Variants in NTRK3 observed in about 807,000 individuals in gnomAD.
The protein encoded by NTRK3 is NT-3 growth factor receptor.
Under a neutral mutation model 91.7 loss-of-function variants are expected in NTRK3, and 24 were observed. The ratio of observed to expected loss-of-function variants is 0.26; its 90% CI spans 0.19 to 0.37. The LOEUF (loss-of-function observed/expected upper bound fraction) is 0.37. Ranked by LOEUF, NTRK3 falls within the 10% of genes least tolerant of loss-of-function variation. NTRK3 has a pLI of 1.00. For synonymous variants in NTRK3, 483 were observed against 404.0 expected, an observed-to-expected ratio of 1.20 and a Z score of -2.34; for missense variants, 880 against 1,068.9, an observed-to-expected ratio of 0.82 and a Z score of 2.46.
chr15:88,057,953 G>C lies in NTRK3; in HGVS notation c.1397-24908C>G, dbSNP rs556559882. Among the ~76,000 whole-genome samples, 4 of 152,364 alleles carry C rather than the reference G, an allele frequency of 2.6e-5. 1 individual carries two copies. In the South Asian group the frequency reaches 8.3e-4, roughly 32 times the overall value. On this transcript the variant is annotated intron_variant, in intron 13 of 18. Coordinates refer to ENST00000394480, the Ensembl canonical transcript of NTRK3. ...ATGGGGCTGACACACCACTGACACA[G>C]TGAATCACTTGCAAAGGAAAAGGGC...
At chr15:87,985,644 G>T (rs950563474) in intron 14 of NTRK3, among the ~76,000 whole-genome samples, 1 of 152,178 alleles carries the variant, frequency 6.6e-6, no homozygotes, top group Non-Finnish European at 1.5e-5. Flanking sequence ...GCTGTGTGCA[G>T]ATGCTCAGAG....
intron 5 of NTRK3, among the ~76,000 whole-genome samples, chr15:88,169,885 T>C (rs1027958783): frequency 1.3e-5 from 2 of 152,162 alleles, no homozygotes; most frequent in African/African-American, 4.8e-5. Context: ...AAGCCTTCCT[T>C]GCTAGAATCC....
At chr15:88,236,978 T>C (rs1380523334) in intron 3 of NTRK3, among the ~76,000 whole-genome samples, 2 of 152,156 alleles carry the variant, frequency 1.3e-5, no homozygotes, top group African/African-American at 4.8e-5. Context: ...ACTCAGAGAA[T>C]GCACACTTAA....
chr15:87,926,089 A>C (rs2068284279), intron 17 of NTRK3, among the ~76,000 whole-genome samples: 1 of 152,242 alleles, frequency 6.6e-6, no homozygotes, highest in Non-Finnish European at 1.5e-5. Context: ...TTCAGGTTAC[A>C]TGGTTGCTAA....
At chr15:88,139,596 T>G (rs569714911) in intron 6 of NTRK3, among the ~76,000 whole-genome samples, 101 of 152,210 alleles carry the variant, frequency 6.6e-4, no homozygotes, top group African/African-American at 2.4e-3. Context: ...TCTCTGCACA[T>G]GGTACTCTGT....
chr15:87,981,363 G>A, intron 14 of NTRK3: 1 of 1,613,766 alleles, frequency 6.2e-7, no homozygotes, highest in Non-Finnish European at 8.5e-7. Flanking sequence ...AAAGACCCCT[G>A]GCAGAAGAGG....
intron 14 of NTRK3, among the ~76,000 whole-genome samples, chr15:88,014,101 T>C (rs961489003): frequency 7.2e-5 from 11 of 152,212 alleles, no homozygotes; most frequent in Non-Finnish European, 1.3e-4. Flanking sequence ...GTAAAAGTGT[T>C]GGAACACGCT....
At position 88,217,919 on chromosome 15, in the gene NTRK3, C is replaced by T. The variant is rs151024935; in HGVS notation, c.249-33620G>A. Among the ~76,000 whole-genome samples, 989 of 152,196 alleles carry T rather than the reference C, an allele frequency of 6.5e-3. 4 individuals carry two copies. Among genetic ancestry groups the T allele is most frequent in the Non-Finnish European group, 0.011 (725 of 68,016 alleles). On this transcript the variant is annotated intron_variant, in intron 3 of 18. Transcript: ENST00000394480. The stretch of plus-strand genomic sequence containing the variant: ...GACTACAGGCGCCCGCCACCGCGTC[C>T]GGTTAATTTTTTTTGTATTTTTAAT...
chr15:88,105,696 TAC>T (rs146323277), intron 13 of NTRK3, among the ~76,000 whole-genome samples: 148 of 151,064 alleles, frequency 9.8e-4, no homozygotes, highest in African/African-American at 3.5e-3. Flanking sequence ...TGAGTGGAAA[TAC>T]ACACACACAC....
intron 13 of NTRK3, among the ~76,000 whole-genome samples, chr15:88,105,382 G>A (rs2050596535): frequency 6.6e-6 from 1 of 152,184 alleles, no homozygotes; most frequent in African/African-American, 2.4e-5. Flanking sequence ...ATGGATGGTT[G>A]GGGTTAGAAG....
intron 13 of NTRK3, among the ~76,000 whole-genome samples, chr15:88,039,826 G>A (rs929043706): frequency 7.2e-5 from 11 of 152,316 alleles, no homozygotes; most frequent in Admixed American, 3.9e-4. Flanking sequence ...TGCTGTGTCC[G>A]GTTTCCATTG....
intron 5 of NTRK3, among the ~76,000 whole-genome samples, chr15:88,153,350 C>T (rs1366522216): frequency 6.6e-6 from 1 of 152,158 alleles, no homozygotes. Flanking sequence ...TGAAGCGATT[C>T]TTCTGCCTAC....
In NTRK3 at chr15:88,232,431, G is replaced by A. The variant is rs1249563724; in HGVS notation, c.248+23475C>T. Among the ~76,000 whole-genome samples the A allele has an allele frequency of 2.0e-5, 3 of 152,326 alleles. No individual in the cohort carries two copies. The East Asian group carries it at 5.8e-4, about 29-fold the overall frequency. On this transcript the variant is annotated intron_variant, in intron 3 of 18. Transcript: ENST00000394480. ...ACAGCACAGATGCTCAAATAATGGA[G>A]GAAGTGAAGTGGATTGAATTGGATT...
intron 15 of NTRK3, among the ~76,000 whole-genome samples, chr15:87,937,714 G>T (rs912695923): frequency 6.6e-6 from 1 of 152,070 alleles, no homozygotes; most frequent in African/African-American, 2.4e-5. Context: ...ATAAGTAAAT[G>T]CTCAAAAGGA....
At chr15:87,912,509 C>T (rs1422920579) in intron 17 of NTRK3, among the ~76,000 whole-genome samples, 1 of 152,108 alleles carries the variant, frequency 6.6e-6, no homozygotes, top group African/African-American at 2.4e-5. Context: ...GCCCATTGAC[C>T]TCATAGCACT....
At chr15:88,081,203 A>T (rs1361804646) in intron 13 of NTRK3, among the ~76,000 whole-genome samples, 3 of 151,958 alleles carry the variant, frequency 2.0e-5, no homozygotes, top group Non-Finnish European at 4.4e-5. Flanking sequence ...CCATATATGG[A>T]CCCTAGAAAT....
At chr15:88,183,764 G>T (rs2046723288) in intron 4 of NTRK3, among the ~76,000 whole-genome samples, 1 of 152,188 alleles carries the variant, frequency 6.6e-6, no homozygotes, top group Non-Finnish European at 1.5e-5. Context: ...AAGGACCAGG[G>T]CTTCTGCTGG....
chr15:88,091,081 G>A (rs979915850), intron 13 of NTRK3, among the ~76,000 whole-genome samples: 3 of 152,216 alleles, frequency 2.0e-5, no homozygotes, highest in Non-Finnish European at 4.4e-5. Context: ...CTAGGGGAGT[G>A]GAGCGGCTGA....
intron 14 of NTRK3, among the ~76,000 whole-genome samples, chr15:88,022,397 A>G (rs929024745): frequency 1.3e-5 from 2 of 152,160 alleles, no homozygotes; most frequent in Non-Finnish European, 2.9e-5. Context: ...ACCCCTATGT[A>G]TATGTTTTAC....
Sources: allele counts gnomAD v4.1 joint callset (sites outside exome capture counted in the v4.1 genomes callset), GRCh38; gene constraint gnomAD v4.1.1; transcripts MANE v1.5; gene names NCBI Gene and HGNC (gene_info 2026-07-23, HGNC 2026-07-21).